Variants in TTLL10 observed in about 807,000 individuals in gnomAD.
TTLL10 encodes the protein tubulin tyrosine ligase like 10, also known as inactive polyglycylase TTLL10.
Under a neutral mutation model 69.0 loss-of-function variants are expected in TTLL10, and 61 were observed. The ratio of observed to expected loss-of-function variants is 0.88; its 90% CI spans 0.72 to 1.09. TTLL10 has a LOEUF of 1.09. Ranked by LOEUF, TTLL10 falls within the 50% of genes least tolerant of loss-of-function variation. The probability of loss-of-function intolerance (pLI) is 0.00; values close to 1 mark genes in which losing one functional copy is unlikely to be tolerated. For synonymous variants in TTLL10, 408 were observed against 393.3 expected, an observed-to-expected ratio of 1.04 and a Z score of -0.44; for missense variants, 962 against 945.9, an observed-to-expected ratio of 1.02 and a Z score of -0.22.
rs370392048 is a variant in TTLL10, at chr1:1,180,797, C to T, written c.692C>T (p.Thr231Ile). The T allele has an allele frequency of 1.2e-6, 2 of 1,605,984 alleles. No homozygotes were observed. The highest frequency in any genetic ancestry group is 2.3e-5 in the East Asian group (1 of 44,090). ...ACCACCAAGATCGGGCTGCTCAGCA[C>T]CCTTCGGGGACGGGCACGGGCCATG... Reference protein sequence around the residue: ...LLTTKIGLLSTLRGRARAMSK... With the variant: ...LLTTKIGLLSILRGRARAMSK... Residue 231 changes from threonine (T) to isoleucine (I), a missense_variant, in exon 8 of 16, where the codon ACC becomes ATC. Coordinates refer to ENST00000379289, the MANE Select transcript of TTLL10 (RefSeq NM_001130045.2).
chr1:1,185,696 G>T lies in TTLL10; in HGVS notation c.1401+587G>T, dbSNP rs996535682. Reference sequence around the variant, plus strand: ...GACTTTTATCTGTCTTGGTCACCCCGGCCAGGCCCCGGAAGCAGCAGCCAG... The same window carrying T: ...GACTTTTATCTGTCTTGGTCACCCCTGCCAGGCCCCGGAAGCAGCAGCCAG... On this transcript the variant is annotated intron_variant, in intron 13 of 15. Coordinates refer to ENST00000379289, the MANE Select transcript of TTLL10 (RefSeq NM_001130045.2). This position sits in a 1 kb window ranked among gnomAD's most constrained non-coding sequence, Gnocchi z 6.1. 1.8e-5 allele frequency: 18 copies of T among 985,378 alleles called. No individual in the cohort carries two copies. The Admixed American group carries it at 1.8e-4, about 10-fold the overall frequency. The allele number at this position is 985,378 out of a possible 1,614,324, so 61.0% of individuals were successfully genotyped here.
Position 1,184,151 on chromosome 1 carries a change from T to A in TTLL10, c.1260+60T>A. 3 of 1,607,254 alleles carry A rather than the reference T, an allele frequency of 1.9e-6. No individual in the cohort carries two copies. The South Asian group carries it at 3.3e-5, about 18-fold the overall frequency. Reference sequence around the variant, plus strand: ...CCTTGGGATGAGATTAGAAGGAGGTTCTCACTGCTAGGGGGTGCAGAGGGG... The same window carrying A: ...CCTTGGGATGAGATTAGAAGGAGGTACTCACTGCTAGGGGGTGCAGAGGGG... On this transcript the variant is annotated intron_variant, in intron 12 of 15. Coordinates refer to ENST00000379289, the MANE Select transcript of TTLL10 (RefSeq NM_001130045.2).
Position 1,197,781 on chromosome 1 carries a change from G to A in TTLL10, c.1956G>A (p.Pro652=), listed in dbSNP as rs756427982. The change falls in exon 16 of 16, where the codon CCG becomes CCA. Residue 652 remains proline, a synonymous_variant. Coordinates refer to ENST00000379289, the MANE Select transcript of TTLL10 (RefSeq NM_001130045.2). Reference sequence around the variant, plus strand: ...AGTCGGGCACAGGCAACAGGCACCCGGCGCAAGAGCCTTCCCCGGGGACAG... The same window carrying A: ...AGTCGGGCACAGGCAACAGGCACCCAGCGCAAGAGCCTTCCCCGGGGACAG... The part of the protein sequence containing the change: ...TEQSGTGNRH[P]AQEPSPGTAK... The A allele has an allele frequency of 6.2e-5, 95 of 1,532,066 alleles. 1 individual carries two copies. In the East Asian group the frequency reaches 1.6e-3, roughly 26 times the overall value. The allele number at this position is 1,532,066 out of a possible 1,614,324, so 94.9% of individuals were successfully genotyped here.
chr1:1,175,858 A>C (rs1286372810), intron 3 of TTLL10: 1 of 402,984 alleles, frequency 2.5e-6, no homozygotes, highest in Middle Eastern at 6.5e-4. Context: ...GCCGGTGGAG[A>C]GGCTGCTGCC....
chr1:1,186,323 A>G lies in TTLL10; in HGVS notation c.1401+1214A>G, dbSNP rs571192853. 2.6e-4 allele frequency among the ~76,000 whole-genome samples: 40 copies of G among 152,234 alleles called. No homozygotes were observed. In the East Asian group the frequency reaches 6.6e-3, roughly 25 times the overall value. ...AGGCTGGTCTCAAACTCCTGACCTCAGGTGACCCGCCCGCCTCAGCCTCCC... is the reference window on the plus strand; with the variant it reads ...AGGCTGGTCTCAAACTCCTGACCTCGGGTGACCCGCCCGCCTCAGCCTCCC... On this transcript the variant is annotated intron_variant, in intron 13 of 15. Coordinates refer to ENST00000379289, the MANE Select transcript of TTLL10 (RefSeq NM_001130045.2).
rs990017482 is a variant in TTLL10, at chr1:1,185,760, G to T, written c.1401+651G>T. Reference sequence around the variant, plus strand: ...TCACCCACAGGCGTGTGTCACTGTGGCTGGGACGGCAGCGCTCAGAGGAGC... The same window carrying T: ...TCACCCACAGGCGTGTGTCACTGTGTCTGGGACGGCAGCGCTCAGAGGAGC... On this transcript the variant is annotated intron_variant, in intron 13 of 15. Transcript: ENST00000379289. This position sits in a 1 kb window ranked among gnomAD's most constrained non-coding sequence, Gnocchi z 6.1. 4.1e-5 allele frequency: 40 copies of T among 985,394 alleles called. No individual in the cohort carries two copies. Among genetic ancestry groups the T allele is most frequent in the Non-Finnish European group, 4.6e-5 (38 of 829,980 alleles). The allele number at this position is 985,394 out of a possible 1,614,324, so 61.0% of individuals were successfully genotyped here. A position where few individuals can be genotyped will look rare whatever the true frequency, so the allele number is the denominator to read the frequency against.
chr1:1,187,878 C>T (rs1227284272), intron 13 of TTLL10, among the ~76,000 whole-genome samples: 1 of 151,134 alleles, frequency 6.6e-6, no homozygotes, highest in Non-Finnish European at 1.5e-5. Context: ...GCACTCCAAC[C>T]TGGGTGATGG....
chr1:1,180,167 CG>C lies in TTLL10; in HGVS notation c.335del (p.Gly112AspfsTer6), dbSNP rs781097397. On this transcript the variant is annotated frameshift_variant, in exon 6 of 16. Coordinates refer to ENST00000379289, the MANE Select transcript of TTLL10 (RefSeq NM_001130045.2). LOFTEE classifies it high-confidence loss of function. ...EGAERASATP[G>X]PPGLLNSHRP... ...GGGCAGAAAGAGCCTCTGCCACACC[CG>C]GACCCCCTGGGCTCCTGAACAGCCA... 6.2e-7 allele frequency: 1 copy of C among 1,611,106 alleles called. No individual in the cohort carries two copies. Among genetic ancestry groups the C allele is most frequent in the Non-Finnish European group, 8.5e-7 (1 of 1,179,392 alleles).
In TTLL10 at chr1:1,196,640, C is replaced by T. The variant is rs1648232222; in HGVS notation, c.1442C>T (p.Ala481Val). 1 of 1,551,754 alleles carries T rather than the reference C, an allele frequency of 6.4e-7. No individual in the cohort carries two copies. Among genetic ancestry groups the T allele is most frequent in the Admixed American group, 2.0e-5 (1 of 50,976 alleles). ...ATCATGGCCCACTGCTTTCTGGCCG[C>T]CAAGCCCAAGCTGGACTGCAAGCTG... ...QQIMAHCFLA[A>V]KPKLDCKLGY... Residue 481 changes from alanine (A) to valine (V), a missense_variant, in exon 14 of 16, where the codon GCC (alanine) becomes GTC (valine). Ala to Val is a moderately conservative substitution (Grantham distance 64). Transcript: ENST00000379289.
chr1:1,176,315 G>A (rs1045993410), intron 3 of TTLL10: 1 of 446,686 alleles, frequency 2.2e-6, no homozygotes, highest in Non-Finnish European at 4.5e-6. Flanking sequence ...CTGTGCAGGT[G>A]GAGAGAGGCT....
chr1:1,180,443 GCCTCGGCCCCCAGGTCA>G, intron 6 of TTLL10, 23 bp from the exon 7 acceptor site: 2 of 1,385,178 alleles, frequency 1.4e-6, no homozygotes, highest in Non-Finnish European at 2.0e-6. Flanking sequence ...CCAACCCCTT[GCCTCGGCCCCCAGGTCA>G]CCCCCGCCCC....
At chr1:1,186,082 C>G (rs1305173720) in intron 13 of TTLL10, among the ~76,000 whole-genome samples, 2 of 145,830 alleles carry the variant, frequency 1.4e-5, no homozygotes, top group African/African-American at 4.9e-5. Flanking sequence ...TTCACGTATC[C>G]TTTTCTTTTC....
chr1:1,190,145 C>G (rs1647648185), intron 13 of TTLL10, among the ~76,000 whole-genome samples: 1 of 149,912 alleles, frequency 6.7e-6, no homozygotes, highest in South Asian at 2.1e-4. Flanking sequence ...TCCATTTCTT[C>G]TAGGTTATCT....
intron 3 of TTLL10, 109 bp from the exon 4 acceptor site, chr1:1,179,080 G>A: frequency 1.4e-6 from 1 of 713,836 alleles, no homozygotes; most frequent in Admixed American, 3.1e-5. Context: ...GCCCTGGGAG[G>A]CGCCCTTTCC....
intron 5 of TTLL10, 22 bp from the exon 6 acceptor site, chr1:1,180,012 T>C: frequency 6.7e-7 from 1 of 1,502,490 alleles, no homozygotes; most frequent in South Asian, 1.4e-5. Context: ...GCCACCCCGG[T>C]GGGACCCCAC....
intron 2 of TTLL10, 42 bp downstream of exon 2, chr1:1,174,363 C>G (rs1370052988): frequency 6.5e-6 from 1 of 152,706 alleles, no homozygotes; most frequent in Non-Finnish European, 1.5e-5. Context: ...AGCTTGGATT[C>G]TGGGGGGAGA....
At chr1:1,176,317 A>G (rs1646871386) in intron 3 of TTLL10, 1 of 441,872 alleles carries the variant, frequency 2.3e-6, no homozygotes, top group Non-Finnish European at 4.5e-6. Flanking sequence ...GTGCAGGTGG[A>G]GAGAGGCTGA....
In TTLL10 at chr1:1,185,136, G is replaced by A; in HGVS notation, c.1401+27G>A. On this transcript the variant is annotated intron_variant, in intron 13 of 15. Transcript: ENST00000379289. This position sits in a 1 kb window ranked among gnomAD's most constrained non-coding sequence, Gnocchi z 6.1. ...TGCGTCCACTGTGCCCTCCAGTCTG[G>A]GAGTGAGATCCCTCGGGGCGGGGGT... 6.2e-7 allele frequency: 1 copy of A among 1,605,084 alleles called. No homozygotes were observed. Among genetic ancestry groups the A allele is most frequent in the Non-Finnish European group, 8.5e-7 (1 of 1,174,544 alleles).
At chr1:1,194,981 CCT>C (rs370017189) in intron 13 of TTLL10, among the ~76,000 whole-genome samples, 1 of 151,470 alleles carries the variant, frequency 6.6e-6, no homozygotes, top group Non-Finnish European at 1.5e-5. Flanking sequence ...ATTTTTCTTC[CCT>C]CTCTCTCTCT....
Sources: allele counts gnomAD v4.1 joint callset (sites outside exome capture counted in the v4.1 genomes callset), GRCh38; gene constraint gnomAD v4.1.1; non-coding constraint Gnocchi (gnomAD v3.1); transcripts MANE v1.5; gene names NCBI Gene and HGNC (gene_info 2026-07-23, HGNC 2026-07-21).